The following ERC1 variants were observed in gnomAD, a reference collection of about 807,000 sequenced individuals.
ERC1 encodes the protein RAB6 interacting protein 2.
Under a neutral mutation model 132.0 loss-of-function variants are expected in ERC1, and 56 were observed. The observed-to-expected ratio is 0.42, with a 90% CI of 0.34 to 0.53. ERC1 has a LOEUF of 0.53. ERC1 is among the 20% of genes least tolerant of loss of function. ERC1 has a pLI of 0.03. For synonymous variants in ERC1, 478 were observed against 476.1 expected (o/e 1.00, Z -0.05); for missense variants, 1,202 against 1,349.9 (o/e 0.89, Z 1.72).
intron 7 of ERC1, among the ~76,000 whole-genome samples, chr12:1,120,517 A>G (rs1443270122): frequency 6.6e-6 from 1 of 152,178 alleles, no homozygotes; most frequent in African/African-American, 2.4e-5. Flanking sequence ...CACTAGTAAC[A>G]CTGGGACTTT....
Position 1,272,946 on chromosome 12 carries a change from T to TAAA in ERC1, c.2619+9805_2619+9807dup, listed in dbSNP as rs56750908. Among the ~76,000 whole-genome samples, 371 of 87,724 alleles carry TAAA rather than the reference T, an allele frequency of 4.2e-3. 6 individuals carry two copies. The highest frequency in any genetic ancestry group is 0.017 in the Middle Eastern group (3 of 178). 57.6% of individuals were successfully genotyped at this position (87,724 alleles called of 152,430 possible). A position where few individuals can be genotyped will look rare whatever the true frequency, so the allele number is the denominator to read the frequency against. On this transcript the variant is annotated intron_variant, in intron 14 of 18. Coordinates refer to ENST00000360905, the MANE Select transcript of ERC1 (RefSeq NM_178040.4). Reference sequence around the variant, plus strand: ...CTCAGTGATAGAGTGAGACTCCGTCTAAAAAAAAAAAAAAAAAAAAAAAAA... The same window carrying TAAA: ...CTCAGTGATAGAGTGAGACTCCGTCTAAAAAAAAAAAAAAAAAAAAAAAAAAAA...
intron 7 of ERC1, among the ~76,000 whole-genome samples, chr12:1,126,033 G>C (rs551512111): frequency 1.2e-4 from 19 of 152,150 alleles, no homozygotes; most frequent in Non-Finnish European, 2.1e-4. Context: ...GTTTTGTAAG[G>C]TGAAATGAGT....
At chr12:1,136,838 TTTGTATC>T (rs1688430294) in intron 7 of ERC1, among the ~76,000 whole-genome samples, 1 of 152,118 alleles carries the variant, frequency 6.6e-6, no homozygotes, top group South Asian at 2.1e-4. Flanking sequence ...TGCCTTCCCT[TTTGTATC>T]TAGTGATGTT....
chr12:1,342,916 A>C (rs1031045708), intron 15 of ERC1, among the ~76,000 whole-genome samples: 2 of 152,326 alleles, frequency 1.3e-5, no homozygotes, highest in East Asian at 1.9e-4. Context: ...CCTGTAATCC[A>C]TTACATGAAT....
At chr12:1,261,130 T>TGTAC (rs2077117225) in intron 13 of ERC1, among the ~76,000 whole-genome samples, 1 of 152,216 alleles carries the variant, frequency 6.6e-6, no homozygotes, top group Non-Finnish European at 1.5e-5. Context: ...GCCACAAAGC[T>TGTAC]ATTTTTGCCC....
intron 16 of ERC1, among the ~76,000 whole-genome samples, chr12:1,375,861 C>T (rs1041815731): frequency 5.3e-5 from 8 of 151,716 alleles, no homozygotes; most frequent in African/African-American, 9.7e-5. Context: ...CTCAGCCTCC[C>T]GAGTAGCTGG....
At chr12:1,313,783 G>A (rs751085826) in intron 15 of ERC1, among the ~76,000 whole-genome samples, 14 of 151,998 alleles carry the variant, frequency 9.2e-5, no homozygotes, top group Non-Finnish European at 1.9e-4. Context: ...TCGGGAGTTC[G>A]AGACCAGCCT....
intron 13 of ERC1, chr12:1,244,692 TGTGTG>T (rs1193381944): frequency 6.9e-5 from 26 of 377,728 alleles, no homozygotes; most frequent in Middle Eastern, 1.8e-3. Context: ...TGGCTAATTT[TGTGTG>T]TCTGTTTTTA....
chr12:1,451,007 G>A (rs1001601272), intron 18 of ERC1, among the ~76,000 whole-genome samples: 6 of 152,030 alleles, frequency 3.9e-5, no homozygotes, highest in Admixed American at 1.3e-4. Flanking sequence ...CAGGTTTTCT[G>A]TTGTTGTTGT....
At chr12:1,303,376 C>A (rs1167234662) in intron 15 of ERC1, among the ~76,000 whole-genome samples, 1 of 152,000 alleles carries the variant, frequency 6.6e-6, no homozygotes, top group Non-Finnish European at 1.5e-5. Flanking sequence ...GTGGCTCACG[C>A]CTGTAATCCC....
At chr12:1,138,080 T>TA (rs1949459693) in intron 7 of ERC1, among the ~76,000 whole-genome samples, 2 of 127,402 alleles carry the variant, frequency 1.6e-5, no homozygotes, top group Non-Finnish European at 1.6e-5. Context: ...TTTTATATTA[T>TA]ATATAATATA....
chr12:991,863 T>C (rs1959461568), intron 1 of ERC1: 1 of 152,018 alleles, frequency 6.6e-6, no homozygotes. Context: ...AAAGATGAAG[T>C]GTATTTCAAA....
Position 1,116,002 on chromosome 12 carries a change from A to G in ERC1, c.1538A>G (p.Lys513Arg). The change falls in exon 7 of 19, where the codon AAG becomes AGG. Residue 513 changes from lysine to arginine, a missense_variant. Physicochemically the swap from Lys to Arg is conservative, Grantham distance 26 (BLOSUM62 2). Coordinates refer to ENST00000360905, the MANE Select transcript of ERC1 (RefSeq NM_178040.4). ...IEVLKESLTA[K>R]EQRAAILQTE... ...GTGTTGAAGGAGTCCTTGACTGCTAAGGAGCAGAGGGCTGCCATCCTGCAG... is the reference window on the plus strand; with the variant it reads ...GTGTTGAAGGAGTCCTTGACTGCTAGGGAGCAGAGGGCTGCCATCCTGCAG... The G allele has an allele frequency of 6.2e-7, 1 of 1,613,660 alleles. No individual in the cohort carries two copies.
chr12:1,015,197 C>G (rs984940733), intron 1 of ERC1, among the ~76,000 whole-genome samples: 1 of 151,884 alleles, frequency 6.6e-6, no homozygotes. Context: ...GTAACTGGTA[C>G]TACAGGCACA....
intron 12 of ERC1, chr12:1,204,460 T>G: frequency 6.5e-7 from 1 of 1,545,792 alleles, no homozygotes; most frequent in Non-Finnish European, 8.8e-7. Flanking sequence ...TTTCTAACTT[T>G]CTTTTTCACA....
At chr12:1,259,520 C>CTTT (rs201786277) in intron 13 of ERC1, among the ~76,000 whole-genome samples, 83 of 113,888 alleles carry the variant, frequency 7.3e-4, no homozygotes, top group South Asian at 1.2e-3. Context: ...TTCTTTCTTT[C>CTTT]TTTTTTTTTT....
In ERC1 at chr12:1,181,956, G is replaced by A. The variant is rs200296939; in HGVS notation, c.1907G>A (p.Arg636Lys). ...ERTIERLKEQ[R>K]DRDEREKQEE... is the part of the protein sequence containing the mutation. ...ACAATTGAACGCTTAAAGGAGCAGA[G>A]GGACAGAGATGAGCGAGAGAAGCAA... is the stretch of plus-strand genomic sequence containing the variant. The change falls in exon 10 of 19, where the codon AGG becomes AAG. Residue 636 changes from arginine (R) to lysine (K), a missense_variant. Arg to Lys is a conservative substitution (Grantham distance 26). Transcript: ENST00000360905. 6.2e-6 allele frequency: 10 copies of A among 1,613,986 alleles called. No homozygotes were observed. The highest frequency in any genetic ancestry group is 3.3e-5 in the South Asian group (3 of 91,046).
At chr12:1,164,276 TTTATG>T (rs1458323542) in intron 8 of ERC1, among the ~76,000 whole-genome samples, 10 of 140,596 alleles carry the variant, frequency 7.1e-5, no homozygotes, top group Non-Finnish European at 1.4e-4. Context: ...ATGTTGTTAT[TTTATG>T]TTATTTTATT....
At chr12:1,364,870 A>AT (rs2086505898) in intron 15 of ERC1, among the ~76,000 whole-genome samples, 1 of 152,184 alleles carries the variant, frequency 6.6e-6, no homozygotes, top group Non-Finnish European at 1.5e-5. Context: ...AAGATCTATA[A>AT]TTTTTTAGCT....
Sources: gnomAD v4.1 joint callset for allele counts (sites outside exome capture counted in the v4.1 genomes callset) on GRCh38, gnomAD v4.1.1 for gene constraint, MANE v1.5 for transcripts, NCBI Gene and HGNC (gene_info 2026-07-23, HGNC 2026-07-21) for gene names.